The following KIF7 variants were observed in gnomAD, a reference collection of about 807,000 sequenced individuals.
KIF7 encodes kinesin family member 7.
A neutral mutation model predicts 135.7 loss-of-function variants in KIF7; 104 were observed. The observed-to-expected ratio is 0.77, with a 90% CI of 0.65 to 0.90. KIF7 has a LOEUF of 0.90. Ranked by LOEUF, KIF7 falls within the 40% of genes least tolerant of loss-of-function variation. The pLI is 0.00. For synonymous variants in KIF7, 883 were observed against 809.4 expected, an observed-to-expected ratio of 1.09 and a Z score of -1.54; for missense variants, 2,005 against 1,839.1, an observed-to-expected ratio of 1.09 and a Z score of -1.65.
the KIF7 span, among the ~76,000 whole-genome samples, chr15:89,662,206 T>C: frequency 1.3e-5 from 2 of 152,044 alleles, no homozygotes; most frequent in South Asian, 4.2e-4. Context: ...TAGATAATTA[T>C]GGGAGGAAGG....
chr15:89,619,869 C>A (rs1361478929), intron 1 of KIF7: 1 of 1,581,030 alleles, frequency 6.3e-7, no homozygotes, highest in Non-Finnish European at 8.6e-7. Context: ...TCTGCCTTCA[C>A]AAGTCCGTGC....
At chr15:89,653,226 TCCCTATGGC>T (rs995805637) in intron 1 of KIF7, among the ~76,000 whole-genome samples, 12 of 152,234 alleles carry the variant, frequency 7.9e-5, no homozygotes, top group African/African-American at 2.6e-4. Flanking sequence ...GCTGCACTCT[TCCCTATGGC>T]CCCTATGGCC....
At chr15:89,657,302 C>A (rs1380485218), upstream of KIF7, among the ~76,000 whole-genome samples, 5 of 113,438 alleles carry the variant, frequency 4.4e-5, no homozygotes, top group Non-Finnish European at 7.0e-5. Context: ...GAGAGTGAGA[C>A]CCTGTCTCAA....
downstream of KIF7, chr15:89,626,957 T>C (rs1377414685): frequency 3.1e-6 from 5 of 1,613,730 alleles, no homozygotes; most frequent in African/African-American, 4.0e-5. Flanking sequence ...TTCTTCTAGA[T>C]GAGGATGTGG....
chr15:89,620,653 C>CCT (rs10626973), intron 1 of KIF7, among the ~76,000 whole-genome samples: 79,207 of 151,854 alleles, frequency 0.52, 21,026 homozygotes, highest in Non-Finnish European at 0.58. Flanking sequence ...GGGATTTTCC[C>CCT]GAGTTGCTCT....
At chr15:89,639,747 A>C (rs1470908110) in intron 11 of KIF7, among the ~76,000 whole-genome samples, 2 of 149,922 alleles carry the variant, frequency 1.3e-5, no homozygotes, top group South Asian at 2.2e-4. Context: ...TTCCTCAGGG[A>C]TCTAGAACTA....
At chr15:89,631,980 T>C (rs1006693104) in intron 14 of KIF7, among the ~76,000 whole-genome samples, 2 of 151,980 alleles carry the variant, frequency 1.3e-5, no homozygotes, top group African/African-American at 2.4e-5. Context: ...GAACAGGCAA[T>C]GGGTAGGGGT....
chr15:89,642,610 C>T (rs1255961244), intron 10 of KIF7, among the ~76,000 whole-genome samples: 1 of 152,176 alleles, frequency 6.6e-6, no homozygotes, highest in African/African-American at 2.4e-5. Context: ...GCTCTTTTTG[C>T]CCAGGCTGGA....
upstream of KIF7, among the ~76,000 whole-genome samples, chr15:89,659,955 G>A (rs1329034039): frequency 2.0e-5 from 3 of 152,220 alleles, no homozygotes; most frequent in African/African-American, 7.2e-5. Context: ...CCAGCTGTTC[G>A]GGGGACCGAG....
downstream of KIF7, chr15:89,623,729 A>G (rs757455825): frequency 3.1e-6 from 5 of 1,614,164 alleles, no homozygotes; most frequent in Admixed American, 6.7e-5. Context: ...AGGCTGCAGA[A>G]GTCCCCTGCA....
intron 18 of KIF7, 44 bp downstream of exon 18, chr15:89,628,932 A>G: frequency 1.2e-6 from 2 of 1,613,602 alleles, no homozygotes; most frequent in South Asian, 1.1e-5. Flanking sequence ...GCTTTCCCCA[A>G]AGAAAGGGAA....
At chr15:89,627,007 G>A (rs369194000), downstream of KIF7, 24 of 1,613,874 alleles carry the variant, frequency 1.5e-5, no homozygotes, top group Admixed American at 3.3e-5. Flanking sequence ...CCTTTCAGTC[G>A]CGCTTTCTCC....
At chr15:89,632,092 G>A (rs928114941) in intron 14 of KIF7, among the ~76,000 whole-genome samples, 1 of 152,224 alleles carries the variant, frequency 6.6e-6, no homozygotes, top group Non-Finnish European at 1.5e-5. Context: ...GGAAGTGAGG[G>A]CTCTCCTGGC....
At chr15:89,624,674 TG>T, downstream of KIF7, 1 of 1,614,082 alleles carries the variant, frequency 6.2e-7, no homozygotes, top group Non-Finnish European at 8.5e-7. Flanking sequence ...TCCTCTCCTC[TG>T]CTCATTACAA....
rs1249375011 is a variant in KIF7, at chr15:89,630,087, G to T, written c.3318+200C>A. On this transcript the variant is annotated intron_variant, in intron 16 of 18. Coordinates refer to ENST00000394412, the MANE Select transcript of KIF7 (RefSeq NM_198525.3). ...CTGAGGTTAGCCAATCAGAGCAGAAGTGGGGGGCGGGTAGGAAACTGGGTC... is the reference window on the plus strand; with the variant it reads ...CTGAGGTTAGCCAATCAGAGCAGAATTGGGGGGCGGGTAGGAAACTGGGTC... 10 of 622,666 alleles carry T rather than the reference G, an allele frequency of 1.6e-5. No individual in the cohort carries two copies. The African/African-American group carries it at 1.6e-4, about 10-fold the overall frequency. 38.6% of individuals were successfully genotyped at this position (622,666 alleles called of 1,614,324 possible).
chr15:89,642,162 G>A (rs1176367955), intron 11 of KIF7, 41 bp downstream of exon 11: 2 of 1,592,190 alleles, frequency 1.3e-6, no homozygotes, highest in Admixed American at 1.7e-5. Flanking sequence ...CTAGGAGGCA[G>A]GAGTCACCCC....
chr15:89,648,452 T>G lies in KIF7; in HGVS notation c.1246A>C (p.Thr416Pro). 1 of 1,087,402 alleles carries G rather than the reference T, an allele frequency of 9.2e-7. No individual in the cohort carries two copies. Among genetic ancestry groups the G allele is most frequent in the Non-Finnish European group, 1.1e-6 (1 of 895,324 alleles). 67.4% of individuals were successfully genotyped at this position (1,087,402 alleles called of 1,614,324 possible). A position where few individuals can be genotyped will look rare whatever the true frequency, so the allele number is the denominator to read the frequency against. ...CGCAAGAGGCTGTAGGCGGCGTCGGTGCAGGCCCGGTAGCGCGCGCACTCG... is the reference window on the plus strand; with the variant it reads ...CGCAAGAGGCTGTAGGCGGCGTCGGGGCAGGCCCGGTAGCGCGCGCACTCG... ...GAECARYRAC[T>P]DAAYSLLREL... Residue 416 changes from threonine (T) to proline (P), a missense_variant, in exon 5 of 19, where the codon ACC becomes CCC. Transcript: ENST00000394412.
downstream of KIF7, chr15:89,624,394 C>T (rs769042201): frequency 3.1e-6 from 5 of 1,614,084 alleles, no homozygotes; most frequent in Admixed American, 5.0e-5. Context: ...CTCAACTCCC[C>T]CTGAACTCTC....
upstream of KIF7, among the ~76,000 whole-genome samples, chr15:89,657,280 C>A (rs1964216572): frequency 1.5e-5 from 2 of 129,722 alleles, no homozygotes; most frequent in South Asian, 2.5e-4. Context: ...CACTGCACTC[C>A]AACCTGTGTG....
Sources: gnomAD v4.1 joint callset for allele counts (sites outside exome capture counted in the v4.1 genomes callset) on GRCh38, gnomAD v4.1.1 for gene constraint, MANE v1.5 for transcripts, NCBI Gene and HGNC (gene_info 2026-07-23, HGNC 2026-07-21) for gene names.